DYRK4: variants seen among roughly 807,000 people sequenced by gnomAD.
The protein encoded by DYRK4 is dual specificity tyrosine phosphorylation regulated kinase 4, also known as dual specificity tyrosine-phosphorylation-regulated kinase 4.
Under a neutral mutation model 68.3 loss-of-function variants are expected in DYRK4, and 64 were observed. The observed-to-expected ratio is 0.94, with a 90% CI of 0.77 to 1.15. The LOEUF (loss-of-function observed/expected upper bound fraction) is 1.15. Ranked by LOEUF, DYRK4 falls within the 50% of genes most tolerant of loss-of-function variation. The pLI is 0.00. For synonymous variants in DYRK4, 274 were observed against 289.9 expected (o/e 0.95, Z 0.56); for missense variants, 740 against 764.7 (o/e 0.97, Z 0.38).
chr12:4,577,951 G>C (rs1446340261), intron 2 of DYRK4, among the ~76,000 whole-genome samples: 2 of 152,150 alleles, frequency 1.3e-5, no homozygotes, highest in Admixed American at 6.5e-5. Context: ...GTATATAAGA[G>C]AGCAATTGAC....
chr12:4,612,560 G>A lies in DYRK4; in HGVS notation c.1508G>A (p.Arg503His), dbSNP rs199775562. The change falls in exon 14 of 15, where the codon CGC becomes CAC. Residue 503 changes from arginine to histidine, a missense_variant. Transcript: ENST00000543431. ...RRCLVWEPSL[R>H]MTPDQALKHA... ...GGGTGCAGATGGGAACCTTCTCTTC[G>A]CATGACCCCGGACCAGGCCCTCAAG... The A allele has an allele frequency of 4.5e-5, 73 of 1,614,058 alleles. No homozygotes were observed. In the Admixed American group the frequency reaches 4.8e-4, roughly 11 times the overall value.
intron 1 of DYRK4, chr12:4,567,311 G>C (rs963386035): frequency 2.6e-5 from 4 of 152,206 alleles, no homozygotes; most frequent in Admixed American, 6.5e-5. Context: ...GCTAAAGCTA[G>C]AAGCCGAAAA....
At chr12:4,609,680 ACTGTGAG>A (rs1945195338) in intron 12 of DYRK4, among the ~76,000 whole-genome samples, 2 of 152,172 alleles carry the variant, frequency 1.3e-5, no homozygotes, top group Admixed American at 6.5e-5. Flanking sequence ...TATTGATAAG[ACTGTGAG>A]CTTGATTCTT....
intron 6 of DYRK4, among the ~76,000 whole-genome samples, chr12:4,595,190 A>C (rs1945003284): frequency 1.3e-5 from 2 of 152,216 alleles, no homozygotes; most frequent in African/African-American, 4.8e-5. Flanking sequence ...ACATGCATAG[A>C]TCAGGAAAGT....
Position 4,599,083 on chromosome 12 carries a change from A to T in DYRK4, c.961A>T (p.Ile321Leu). The T allele has an allele frequency of 6.2e-7, 1 of 1,614,104 alleles. No homozygotes were observed. The highest frequency in any genetic ancestry group is 8.5e-7 in the Non-Finnish European group (1 of 1,180,012). ...NNNFQGFSLS[I>L]VRRFTLSVLK... is the part of the protein sequence containing the mutation. ...CAACTTTCAAGGCTTCAGTCTGTCC[A>T]TAGTTCGGCGCTTCACTCTCTCTGT... Residue 321 changes from isoleucine to leucine, a missense_variant, in exon 9 of 15, where the codon ATA becomes TTA. Physicochemically the swap from Ile to Leu is conservative, Grantham distance 5. Transcript: ENST00000543431.
At chr12:4,586,790 G>A (rs568854616) in intron 2 of DYRK4, among the ~76,000 whole-genome samples, 4 of 151,942 alleles carry the variant, frequency 2.6e-5, no homozygotes, top group African/African-American at 9.7e-5. Context: ...TGGTTTTCCT[G>A]TTCATGGGAA....
chr12:4,579,485 T>C (rs2137339023), intron 2 of DYRK4, among the ~76,000 whole-genome samples: 1 of 152,246 alleles, frequency 6.6e-6, no homozygotes, highest in African/African-American at 2.4e-5. Context: ...TTTAGTACTG[T>C]CACATGGCAT....
chr12:4,607,261 T>C (rs1945163412), intron 11 of DYRK4, 66 bp from the exon 12 acceptor site: 1 of 1,595,734 alleles, frequency 6.3e-7, no homozygotes, highest in South Asian at 1.1e-5. Flanking sequence ...CAAAGTACGC[T>C]CCACCCCTCA....
At chr12:4,581,864 AGTTT>A in intron 2 of DYRK4, among the ~76,000 whole-genome samples, 1 of 152,204 alleles carries the variant, frequency 6.6e-6, no homozygotes, top group South Asian at 2.1e-4. Context: ...AAGTGTTTTG[AGTTT>A]CAGATTTTTT....
intron 1 of DYRK4, chr12:4,562,930 A>G (rs7295624): frequency 0.29 from 109,922 of 372,776 alleles, 17,097 homozygotes; most frequent in African/African-American, 0.46. Context: ...TTTAAAGGCT[A>G]TTCTGTGACA....
chr12:4,603,836 G>T (rs1184999433), intron 10 of DYRK4, among the ~76,000 whole-genome samples: 1 of 152,190 alleles, frequency 6.6e-6, no homozygotes, highest in African/African-American at 2.4e-5. Flanking sequence ...CTGCCAAGAT[G>T]CTCGGAACTG....
intron 2 of DYRK4, among the ~76,000 whole-genome samples, chr12:4,574,279 C>G (rs1426580181): frequency 6.6e-6 from 1 of 151,842 alleles, no homozygotes; most frequent in Non-Finnish European, 1.5e-5. Flanking sequence ...GTGTCCCTCC[C>G]CATGGTATCT....
At chr12:4,593,838 A>C (rs1340081609) in intron 6 of DYRK4, among the ~76,000 whole-genome samples, 1 of 152,188 alleles carries the variant, frequency 6.6e-6, no homozygotes, top group Non-Finnish European at 1.5e-5. Flanking sequence ...ATTTCATTGC[A>C]ACTTGGATTT....
At position 4,585,570 on chromosome 12, in the gene DYRK4, T is replaced by C. The variant is rs1022838771; in HGVS notation, c.133-3367T>C. ...GCATGTTCTCACTCACAGGTGGGAA[T>C]TGAACAATGAGAACACATGGACACA... On this transcript the variant is annotated intron_variant, in intron 2 of 14. Transcript: ENST00000543431. Among the ~76,000 whole-genome samples the C allele has an allele frequency of 5.4e-4, 82 of 151,990 alleles. 1 individual carries two copies. The highest frequency in any genetic ancestry group is 1.9e-3 in the African/African-American group (79 of 41,344).
chr12:4,595,344 A>T (rs1303010655), intron 6 of DYRK4, among the ~76,000 whole-genome samples: 4 of 152,200 alleles, frequency 2.6e-5, no homozygotes, highest in African/African-American at 4.8e-5. Flanking sequence ...GAAATTAGAG[A>T]CCCACAGAGC....
At chr12:4,600,370 C>T (rs1796950332) in intron 10 of DYRK4, among the ~76,000 whole-genome samples, 1 of 151,470 alleles carries the variant, frequency 6.6e-6, no homozygotes, top group Admixed American at 6.6e-5. Context: ...TCCTGGGTAC[C>T]AGGAACAATT....
chr12:4,569,730 G>A, intron 2 of DYRK4, among the ~76,000 whole-genome samples: 1 of 151,904 alleles, frequency 6.6e-6, no homozygotes, highest in Admixed American at 6.6e-5. Context: ...CAAACTGCTG[G>A]GATTACAGGT....
At position 4,596,666 on chromosome 12, in the gene DYRK4, TG is replaced by T; in HGVS notation, c.844del (p.Val282CysfsTer3). On this transcript the variant is annotated frameshift_variant, in exon 8 of 15. Coordinates refer to ENST00000543431, the MANE Select transcript of DYRK4 (RefSeq NM_001394779.1). LOFTEE classifies it high-confidence loss of function. ...AAGGACAAAGACAACACCTACAATG[TG>T]GTGCATATGAAGGACTTTTTCTACT... ...RKKDKDNTYN[V>X]VHMKDFFYFR... 1 of 1,614,256 alleles carries T rather than the reference TG, an allele frequency of 6.2e-7. No individual in the cohort carries two copies. Among genetic ancestry groups the T allele is most frequent in the Non-Finnish European group, 8.5e-7 (1 of 1,180,052 alleles).
In DYRK4 at chr12:4,593,080, T is replaced by C; in HGVS notation, c.542T>C (p.Leu181Pro). ...CTGGGCTACGCGGAGCTGTGGTTCC[T>C]GGGTCTTGAAGCCAAGAAGCTCGAC... ...EILGYAELWF[L>P]GLEAKKLDTA... Residue 181 changes from leucine to proline, a missense_variant, in exon 6 of 15, where the codon CTG (leucine) becomes CCG (proline). Physicochemically the swap from Leu to Pro is moderately conservative, Grantham distance 98 (BLOSUM62 -3). This residue lies in a region of DYRK4 where 614 missense variants were observed against 603.7 expected (regional missense o/e 1.02). Transcript: ENST00000543431. 1.2e-6 allele frequency: 2 copies of C among 1,614,196 alleles called. No individual in the cohort carries two copies. The highest frequency in any genetic ancestry group is 2.2e-5 in the South Asian group (2 of 91,080).
Sources: allele counts gnomAD v4.1 joint callset (sites outside exome capture counted in the v4.1 genomes callset), GRCh38; gene constraint gnomAD v4.1.1; regional missense constraint gnomAD v4.1.1; transcripts MANE v1.5; gene names NCBI Gene and HGNC (gene_info 2026-07-23, HGNC 2026-07-21).